Variants in PRKACB observed in about 807,000 individuals in gnomAD.
PRKACB encodes cAMP-dependent protein kinase catalytic subunit beta.
Under a neutral mutation model 51.4 loss-of-function variants are expected in PRKACB, and 16 were observed. The observed-to-expected ratio is 0.31, with a 90% CI of 0.21 to 0.47. PRKACB has a LOEUF of 0.47. Ranked by LOEUF, PRKACB falls within the 20% of genes least tolerant of loss-of-function variation. PRKACB has a pLI of 1.00. For synonymous variants in PRKACB, 147 were observed against 154.4 expected (o/e 0.95, Z 0.35); for missense variants, 309 against 464.5 (o/e 0.67, Z 3.08).
chr1:84,231,260 A>G (rs1298940468), intron 9 of PRKACB, among the ~76,000 whole-genome samples: 1 of 152,198 alleles, frequency 6.6e-6, no homozygotes, highest in Non-Finnish European at 1.5e-5. Flanking sequence ...CTTGCATCCC[A>G]GGGATGAAGC....
chr1:84,189,515 C>A (rs1425406512), intron 5 of PRKACB, among the ~76,000 whole-genome samples: 1 of 150,114 alleles, frequency 6.7e-6, no homozygotes, highest in Non-Finnish European at 1.5e-5. Context: ...GAGTTATCAA[C>A]CCAGCCAAGC....
At chr1:84,183,712 A>G (rs41300540) in intron 3 of PRKACB, among the ~76,000 whole-genome samples, 7,273 of 151,842 alleles carry the variant, frequency 0.048, 231 homozygotes, top group Middle Eastern at 0.11. Context: ...AATTGACATA[A>G]CTAATTTTTA....
At chr1:84,142,137 T>C (rs1246919154), upstream of PRKACB, among the ~76,000 whole-genome samples, 2 of 152,170 alleles carry the variant, frequency 1.3e-5, no homozygotes, top group Non-Finnish European at 2.9e-5. Flanking sequence ...CTTTTTTCTT[T>C]TAACATGTTT....
intron 1 of PRKACB, among the ~76,000 whole-genome samples, chr1:84,085,238 T>C (rs1647871915): frequency 6.6e-6 from 1 of 152,226 alleles, no homozygotes; most frequent in South Asian, 2.1e-4. Context: ...CACCAACATC[T>C]ATTATGTACT....
At position 84,223,430 on chromosome 1, in the gene PRKACB, G is replaced by A. The variant is rs1432656489; in HGVS notation, c.1071+9113G>A. 4.8e-5 allele frequency among the ~76,000 whole-genome samples: 7 copies of A among 146,848 alleles called. No homozygotes were observed. In the East Asian group the frequency reaches 1.0e-3, roughly 21 times the overall value. ...GTCGCCCAGGCAAGAGTGCAGTGGC[G>A]TGATCTCAACTCACTGCAAGCTCCA... On this transcript the variant is annotated intron_variant, in intron 9 of 9. Transcript: ENST00000370685.
At chr1:84,170,578 A>T (rs529199870) in intron 1 of PRKACB, among the ~76,000 whole-genome samples, 74 of 151,838 alleles carry the variant, frequency 4.9e-4, no homozygotes, top group Admixed American at 2.0e-3. Context: ...CTATACTGGG[A>T]CACATTCTCA....
intron 1 of PRKACB, among the ~76,000 whole-genome samples, chr1:84,088,161 A>G (rs1020597396): frequency 6.6e-6 from 1 of 152,220 alleles, no homozygotes; most frequent in Admixed American, 6.5e-5. Flanking sequence ...AATCCAATGT[A>G]GATGCCATAT....
chr1:84,173,421 A>G (rs1412376201), intron 1 of PRKACB: 3 of 1,276,572 alleles, frequency 2.4e-6, no homozygotes, highest in Non-Finnish European at 3.3e-6. Flanking sequence ...TTTTTATGAG[A>G]TATTTTGTGG....
chr1:84,165,146 T>A (rs1246815150), intron 1 of PRKACB: 3 of 693,646 alleles, frequency 4.3e-6, no homozygotes. Context: ...GCTTTTGTAC[T>A]TAGGCATTAT....
At chr1:84,163,451 A>G (rs1227191846) in intron 1 of PRKACB, among the ~76,000 whole-genome samples, 5 of 151,904 alleles carry the variant, frequency 3.3e-5, no homozygotes, top group Non-Finnish European at 7.4e-5. Context: ...TTTCGTTGAC[A>G]ATATCACTAA....
At chr1:84,180,658 T>C (rs2100975746) in intron 2 of PRKACB, among the ~76,000 whole-genome samples, 1 of 152,210 alleles carries the variant, frequency 6.6e-6, no homozygotes, top group African/African-American at 2.4e-5. Flanking sequence ...ATTTCAAGTA[T>C]TTTCTCACTA....
intron 5 of PRKACB, among the ~76,000 whole-genome samples, chr1:84,189,364 G>C (rs916756218): frequency 1.3e-5 from 2 of 150,680 alleles, no homozygotes; most frequent in Admixed American, 1.3e-4. Context: ...GAAGAGCCAA[G>C]AATACAGATT....
intron 1 of PRKACB, among the ~76,000 whole-genome samples, chr1:84,114,535 A>C (rs1180824574): frequency 6.6e-6 from 1 of 152,052 alleles, no homozygotes; most frequent in Admixed American, 6.6e-5. Context: ...ATAGTGATGA[A>C]GTTAGGGTAT....
chr1:84,167,038 T>C (rs1657726269), intron 1 of PRKACB, among the ~76,000 whole-genome samples: 1 of 151,632 alleles, frequency 6.6e-6, no homozygotes, highest in Admixed American at 6.6e-5. Context: ...AACTTGTTTC[T>C]TACCCTCAGA....
chr1:84,218,982 ATTGT>A (rs761837868), intron 9 of PRKACB, among the ~76,000 whole-genome samples: 1 of 152,002 alleles, frequency 6.6e-6, no homozygotes, highest in Admixed American at 6.6e-5. Context: ...TTTTAATTAG[ATTGT>A]TTATTTTTGG....
chr1:84,221,374 G>A (rs1447732318), intron 9 of PRKACB, among the ~76,000 whole-genome samples: 1 of 149,416 alleles, frequency 6.7e-6, no homozygotes, highest in African/African-American at 2.5e-5. Context: ...ATCAATTTTG[G>A]TTATTTTTTT....
intron 1 of PRKACB, among the ~76,000 whole-genome samples, chr1:84,162,009 C>T (rs919842676): frequency 6.6e-6 from 1 of 151,954 alleles, no homozygotes; most frequent in Non-Finnish European, 1.5e-5. Context: ...AAATATCCTC[C>T]GTTGTTTCTC....
intron 1 of PRKACB, among the ~76,000 whole-genome samples, chr1:84,102,260 A>C (rs941221270): frequency 6.6e-6 from 1 of 151,806 alleles, no homozygotes; most frequent in African/African-American, 2.4e-5. Context: ...GGTGTTGGGC[A>C]CCTGTAGTCC....
At chr1:84,118,207 A>C (rs1333854704) in intron 1 of PRKACB, among the ~76,000 whole-genome samples, 1 of 152,098 alleles carries the variant, frequency 6.6e-6, no homozygotes, top group Non-Finnish European at 1.5e-5. Flanking sequence ...CCCAATCTTG[A>C]CCAAGCGGGC....
Sources: gnomAD v4.1 joint callset for allele counts (sites outside exome capture counted in the v4.1 genomes callset) on GRCh38, gnomAD v4.1.1 for gene constraint, MANE v1.5 for transcripts, NCBI Gene and HGNC (gene_info 2026-07-23, HGNC 2026-07-21) for gene names.